GRIN2A: variants seen among roughly 807,000 people sequenced by gnomAD.
GRIN2A encodes glutamate ionotropic receptor NMDA type subunit 2A, also known as glutamate receptor ionotropic, NMDA 2A.
In GRIN2A, 22 loss-of-function variants were observed where a neutral mutation model predicts 113.4. The observed-to-expected ratio is 0.19, with a 90% confidence interval of 0.14 to 0.28. GRIN2A has a LOEUF of 0.28. GRIN2A is among the 10% of genes least tolerant of loss of function. GRIN2A has a pLI of 1.00. For synonymous variants in GRIN2A, 827 were observed against 738.4 expected, an observed-to-expected ratio of 1.12 and a Z score of -1.94; for missense variants, 1,502 against 1,887.0, an observed-to-expected ratio of 0.80 and a Z score of 3.78.
chr16:10,019,324 A>G (rs944113382), intron 2 of GRIN2A, among the ~76,000 whole-genome samples: 14 of 152,238 alleles, frequency 9.2e-5, no homozygotes, highest in African/African-American at 3.1e-4. Flanking sequence ...AATTATCACT[A>G]TTATTAAGTT....
intron 7 of GRIN2A, among the ~76,000 whole-genome samples, chr16:9,836,513 C>A (rs1200254209): frequency 6.6e-6 from 1 of 152,202 alleles, no homozygotes; most frequent in African/African-American, 2.4e-5. Context: ...TTGTCACTAA[C>A]ACGCTAGTCA....
At chr16:9,962,017 T>C (rs1459052988) in intron 2 of GRIN2A, among the ~76,000 whole-genome samples, 3 of 152,188 alleles carry the variant, frequency 2.0e-5, no homozygotes, top group African/African-American at 7.2e-5. Context: ...GGGGAAAGGA[T>C]TCCCTATTTA....
intron 2 of GRIN2A, among the ~76,000 whole-genome samples, chr16:10,140,997 C>T (rs879289334): frequency 6.6e-6 from 1 of 152,000 alleles, no homozygotes; most frequent in African/African-American, 2.4e-5. Flanking sequence ...AGTTTGAGAC[C>T]AGCCTGGGCA....
intron 11 of GRIN2A, among the ~76,000 whole-genome samples, chr16:9,778,450 A>T: frequency 6.6e-6 from 1 of 152,214 alleles, no homozygotes; most frequent in East Asian, 1.9e-4. Flanking sequence ...AGTCCTCAAA[A>T]TCTGATGACT....
In GRIN2A at chr16:9,985,629, TA is replaced by T. The variant is rs761098968; in HGVS notation, c.415-47079del. ...CATATTCCCACTTATTTGTGAGAGC[TA>T]AAAAAAAAAAAATTAAAACAATTGA... On this transcript the variant is annotated intron_variant, in intron 2 of 12. Transcript: ENST00000330684. Among the ~76,000 whole-genome samples, 444 of 141,840 alleles carry T rather than the reference TA, an allele frequency of 3.1e-3. 1 individual carries two copies. Among genetic ancestry groups the T allele is most frequent in the African/African-American group, 6.8e-3 (262 of 38,804 alleles). The allele number at this position is 141,840 out of a possible 152,430, so 93.1% of individuals were successfully genotyped here. A position where few individuals can be genotyped will look rare whatever the true frequency, so the allele number is the denominator to read the frequency against.
intron 2 of GRIN2A, among the ~76,000 whole-genome samples, chr16:9,946,761 G>T (rs1349764037): frequency 6.6e-6 from 1 of 152,152 alleles, no homozygotes; most frequent in Non-Finnish European, 1.5e-5. Context: ...TGTTAGACTT[G>T]AACTTGGATG....
chr16:10,122,422 T>G (rs981494520), intron 2 of GRIN2A, among the ~76,000 whole-genome samples: 1 of 152,144 alleles, frequency 6.6e-6, no homozygotes, highest in Non-Finnish European at 1.5e-5. Flanking sequence ...GTGATGAACA[T>G]TGCAGCAGGT....
rs1328668110 is a variant in GRIN2A at position 9,760,315 on chromosome 16, A to G, written c.*2834T>C. 9 of 208,470 alleles carry G rather than the reference A, an allele frequency of 4.3e-5. No individual in the cohort carries two copies. Among genetic ancestry groups the G allele is most frequent in the Non-Finnish European group, 7.7e-5 (8 of 104,116 alleles). 12.9% of individuals were successfully genotyped at this position (208,470 alleles called of 1,614,324 possible). On this transcript the variant is annotated 3_prime_UTR_variant, in exon 13 of 13. Transcript: ENST00000330684. ...TTTTGCAAAGACTGAACTGACTTAG[A>G]TGACCTTTGAATAACTCTACATCTT...
chr16:9,807,167 C>T (rs1270408589), intron 10 of GRIN2A, among the ~76,000 whole-genome samples: 2 of 140,736 alleles, frequency 1.4e-5, no homozygotes, highest in Admixed American at 1.5e-4. Flanking sequence ...ATGTCTTTAT[C>T]AGCAGTGTGA....
At position 9,909,696 on chromosome 16, in the gene GRIN2A, G is replaced by A. The variant is rs140661123; in HGVS notation, c.1008-18596C>T. Reference sequence around the variant, plus strand: ...AAATGCCTTAAGTGTATTTGAGATGGTACACAGATGCATTTAGATGGCACA... The same window carrying A: ...AAATGCCTTAAGTGTATTTGAGATGATACACAGATGCATTTAGATGGCACA... On this transcript the variant is annotated intron_variant, in intron 3 of 12. Coordinates refer to ENST00000330684, the MANE Select transcript of GRIN2A (RefSeq NM_001134407.3). Among the ~76,000 whole-genome samples the A allele has an allele frequency of 1.2e-3, 186 of 152,276 alleles. 1 individual carries two copies. The highest frequency in any genetic ancestry group is 4.2e-3 in the African/African-American group (173 of 41,528).
rs970217798 is a variant in GRIN2A, at chr16:9,753,757, A to G, written c.*9392T>C. On this transcript the variant is annotated 3_prime_UTR_variant, in exon 13 of 13. Transcript: ENST00000330684. ...CAGATATAAACTGCTGCAGTTGATC[A>G]GTGAACATTAATTCCCAAATGAAGA... is the stretch of plus-strand genomic sequence containing the variant. 18 of 187,864 alleles carry G rather than the reference A, an allele frequency of 9.6e-5. No homozygotes were observed. The highest frequency in any genetic ancestry group is 7.9e-5 in the Non-Finnish European group (7 of 89,170). The allele number at this position is 187,864 out of a possible 1,614,324, so 11.6% of individuals were successfully genotyped here. A position where few individuals can be genotyped will look rare whatever the true frequency, so the allele number is the denominator to read the frequency against.
chr16:9,833,519 G>A (rs183622385), intron 8 of GRIN2A, among the ~76,000 whole-genome samples: 2 of 152,162 alleles, frequency 1.3e-5, no homozygotes, highest in East Asian at 3.9e-4. Context: ...TGTCAGAAAA[G>A]TTCCTTCAAA....
chr16:9,975,426 T>A (rs2045756570), intron 2 of GRIN2A, among the ~76,000 whole-genome samples: 1 of 152,120 alleles, frequency 6.6e-6, no homozygotes, highest in South Asian at 2.1e-4. Context: ...AGACTCAAAG[T>A]GTCAGAAGAT....
At chr16:10,179,874 A>AGC in intron 2 of GRIN2A, 124 bp downstream of exon 2, 7 of 629,320 alleles carry the variant, frequency 1.1e-5, no homozygotes, top group East Asian at 7.1e-5. Flanking sequence ...AGTGGCCACG[A>AGC]CCCTCCCACC....
intron 2 of GRIN2A, among the ~76,000 whole-genome samples, chr16:10,167,637 C>A (rs1487580959): frequency 3.3e-5 from 5 of 152,194 alleles, no homozygotes; most frequent in African/African-American, 1.2e-4. Context: ...GTTCGAAGAT[C>A]TACGATGCAT....
In GRIN2A at chr16:9,908,158, T is replaced by C. The variant is rs552179961; in HGVS notation, c.1008-17058A>G. ...TGAAACTTGACAGCACTATGTACAT[T>C]AGCAGTAATAATGTTTCACACCCGG... On this transcript the variant is annotated intron_variant, in intron 3 of 12. Coordinates refer to ENST00000330684, the MANE Select transcript of GRIN2A (RefSeq NM_001134407.3). Among the ~76,000 whole-genome samples the C allele has an allele frequency of 1.4e-3, 212 of 152,296 alleles. 2 individuals carry two copies. The highest frequency in any genetic ancestry group is 5.0e-3 in the African/African-American group (207 of 41,554).
chr16:9,991,843 T>G (rs146401246), intron 2 of GRIN2A, among the ~76,000 whole-genome samples: 2,052 of 152,200 alleles, frequency 0.013, 49 homozygotes, highest in African/African-American at 0.047. Context: ...AAGTGGGAGT[T>G]GAACAATGAG....
intron 2 of GRIN2A, among the ~76,000 whole-genome samples, chr16:10,101,192 C>A (rs2048387620): frequency 6.6e-6 from 1 of 152,220 alleles, no homozygotes; most frequent in African/African-American, 2.4e-5. Flanking sequence ...GTCTGGTCTG[C>A]ATGGTGGTCT....
At chr16:9,877,937 T>C (rs1034217372) in intron 4 of GRIN2A, among the ~76,000 whole-genome samples, 3 of 149,146 alleles carry the variant, frequency 2.0e-5, no homozygotes, top group African/African-American at 7.4e-5. Flanking sequence ...ACAACACAGA[T>C]GAGCAGATGA....
Sources: gnomAD v4.1 joint callset for allele counts (sites outside exome capture counted in the v4.1 genomes callset) on GRCh38, gnomAD v4.1.1 for gene constraint, MANE v1.5 for transcripts, NCBI Gene and HGNC (gene_info 2026-07-23, HGNC 2026-07-21) for gene names.